Variants in COL19A1 observed in about 807,000 individuals in gnomAD.
The protein encoded by COL19A1 is collagen type XIX alpha 1 chain.
A neutral mutation model predicts 190.2 loss-of-function variants in COL19A1; 159 were observed. That is an observed-to-expected ratio of 0.84 (90% CI 0.73 to 0.95). The LOEUF (loss-of-function observed/expected upper bound fraction) is 0.95, where lower values mean the gene tolerates loss of function less well. Ranked by LOEUF, COL19A1 falls within the 40% of genes least tolerant of loss-of-function variation. The probability of loss-of-function intolerance (pLI) is 0.00; values close to 1 mark genes in which losing one functional copy is unlikely to be tolerated. For synonymous variants in COL19A1, 509 were observed against 458.9 expected, an observed-to-expected ratio of 1.11 and a Z score of -1.39; for missense variants, 1,418 against 1,431.9, an observed-to-expected ratio of 0.99 and a Z score of 0.16.
chr6:69,938,024 G>A lies in COL19A1; in HGVS notation c.874-14G>A. 6.2e-7 allele frequency: 1 copy of A among 1,612,020 alleles called. No individual in the cohort carries two copies. Among genetic ancestry groups the A allele is most frequent in the Non-Finnish European group, 8.5e-7 (1 of 1,178,724 alleles). ...ACAGAATGTTTGCTAACACAGATAT[G>A]CATTTTTGCTCAGGGAGAAGCAGGA... On this transcript the variant is annotated splice_polypyrimidine_tract_variant and intron_variant, in intron 8 of 50. Coordinates refer to ENST00000620364, the MANE Select transcript of COL19A1 (RefSeq NM_001858.6).
chr6:70,205,897 G>A (rs188452147), intron 49 of COL19A1, among the ~76,000 whole-genome samples: 1 of 152,288 alleles, frequency 6.6e-6, no homozygotes. Context: ...ACATTTGGGA[G>A]ACTGTCAGTC....
At chr6:70,035,176 G>A (rs531123009) in intron 13 of COL19A1, among the ~76,000 whole-genome samples, 3 of 152,188 alleles carry the variant, frequency 2.0e-5, no homozygotes, top group South Asian at 2.1e-4. Flanking sequence ...AATAAGAACC[G>A]TGGAAAGGAT....
intron 11 of COL19A1, among the ~76,000 whole-genome samples, chr6:69,977,459 T>C (rs1775785396): frequency 6.6e-6 from 1 of 151,608 alleles, no homozygotes; most frequent in East Asian, 2.0e-4. Flanking sequence ...TTAGGAGATA[T>C]ACCTGATGCT....
intron 9 of COL19A1, among the ~76,000 whole-genome samples, chr6:69,938,605 A>AT (rs1339684587): frequency 1.3e-5 from 2 of 151,990 alleles, no homozygotes; most frequent in African/African-American, 4.8e-5. Flanking sequence ...GTTCTCAATG[A>AT]TTTTACATCT....
intron 17 of COL19A1, among the ~76,000 whole-genome samples, chr6:70,128,767 G>A (rs1785346538): frequency 6.6e-6 from 1 of 152,188 alleles, no homozygotes; most frequent in South Asian, 2.1e-4. Context: ...ATTGATGTAA[G>A]AAAGAGAACA....
intron 15 of COL19A1, among the ~76,000 whole-genome samples, chr6:70,092,476 C>A (rs1040494901): frequency 6.6e-5 from 10 of 152,152 alleles, no homozygotes; most frequent in Admixed American, 6.5e-4. Context: ...CAGTAAATTT[C>A]TGCCAAATAA....
chr6:69,977,582 T>TA lies in COL19A1; in HGVS notation c.1026+14724dup, dbSNP rs1038100965. On this transcript the variant is annotated intron_variant, in intron 11 of 50. Transcript: ENST00000620364. Reference sequence around the variant, plus strand: ...ACTTAAAGTATAATAATAATAAACTTAAAAAAAAAAAAGAAAGGTTCAGGC... The same window carrying TA: ...ACTTAAAGTATAATAATAATAAACTTAAAAAAAAAAAAAGAAAGGTTCAGGC... Among the ~76,000 whole-genome samples the TA allele has an allele frequency of 3.4e-3, 489 of 143,678 alleles. 3 individuals carry two copies. The highest frequency in any genetic ancestry group is 9.7e-3 in the African/African-American group (381 of 39,396). The allele number at this position is 143,678 out of a possible 152,430, so 94.3% of individuals were successfully genotyped here.
chr6:70,003,450 G>C (rs1262403656), intron 11 of COL19A1, among the ~76,000 whole-genome samples: 1 of 152,144 alleles, frequency 6.6e-6, no homozygotes, highest in African/African-American at 2.4e-5. Flanking sequence ...TTATTGATCT[G>C]TCTAATATTG....
At chr6:70,166,903 A>G (rs1053336039) in intron 37 of COL19A1, among the ~76,000 whole-genome samples, 11 of 152,218 alleles carry the variant, frequency 7.2e-5, no homozygotes, top group African/African-American at 2.7e-4. Context: ...CAAATATAAC[A>G]TGAGTTCATG....
intron 11 of COL19A1, among the ~76,000 whole-genome samples, chr6:70,001,590 G>C (rs754805064): frequency 6.6e-6 from 1 of 151,350 alleles, no homozygotes; most frequent in Non-Finnish European, 1.5e-5. Context: ...TTTATATCCC[G>C]TTAGCTGTAT....
At chr6:70,165,750 T>C (rs1319060896) in intron 36 of COL19A1, among the ~76,000 whole-genome samples, 191 bp from the exon 37 acceptor site, 2 of 152,194 alleles carry the variant, frequency 1.3e-5, no homozygotes, top group African/African-American at 2.4e-5. Flanking sequence ...AAAAGACCTT[T>C]ACCTGTCCTG....
chr6:70,023,603 A>G (rs1294225635), intron 11 of COL19A1, 24 bp from the exon 12 acceptor site: 1 of 1,585,638 alleles, frequency 6.3e-7, no homozygotes, highest in East Asian at 2.2e-5. Flanking sequence ...AAGATTTTTC[A>G]TTGTATAAAT....
intron 44 of COL19A1, 141 bp downstream of exon 44, chr6:70,180,664 G>T: frequency 1.2e-6 from 1 of 808,000 alleles, no homozygotes; most frequent in Non-Finnish European, 2.0e-6. Flanking sequence ...ATTTTTGATG[G>T]CAAGGGCAGG....
intron 12 of COL19A1, among the ~76,000 whole-genome samples, chr6:70,029,102 G>A (rs9454944): frequency 0.22 from 32,845 of 151,880 alleles, 5,304 homozygotes; most frequent in African/African-American, 0.45. Context: ...TGTACTAGAG[G>A]ATACAAAAAT....
At chr6:70,140,446 T>C (rs1182696417) in intron 19 of COL19A1, among the ~76,000 whole-genome samples, 1 of 152,100 alleles carries the variant, frequency 6.6e-6, no homozygotes, top group African/African-American at 2.4e-5. Flanking sequence ...CTTACAGATA[T>C]GGTTAACCTC....
intron 48 of COL19A1, among the ~76,000 whole-genome samples, chr6:70,192,892 A>G (rs1404323851): frequency 6.6e-6 from 1 of 152,172 alleles, no homozygotes; most frequent in Non-Finnish European, 1.5e-5. Flanking sequence ...GCGTATGTGT[A>G]TTTTTGAATT....
intron 34 of COL19A1, among the ~76,000 whole-genome samples, chr6:70,159,441 C>CACAG (rs1435786194): frequency 1.3e-5 from 2 of 152,048 alleles, no homozygotes; most frequent in African/African-American, 2.4e-5. Flanking sequence ...CACACACACA[C>CACAG]AGCACTGCCA....
chr6:70,190,318 G>A lies in COL19A1; in HGVS notation c.3031G>A (p.Asp1011Asn), dbSNP rs746993827. Residue 1011 changes from aspartate (D) to asparagine (N), a missense_variant, in exon 48 of 51, where the codon GAT (aspartate) becomes AAT (asparagine). Physicochemically the swap from Asp to Asn is conservative, Grantham distance 23. Coordinates refer to ENST00000620364, the MANE Select transcript of COL19A1 (RefSeq NM_001858.6). ...GSPGIPGIPADAVSFEEIKKY... is the reference protein window; with the variant it reads ...GSPGIPGIPANAVSFEEIKKY... Reference sequence around the variant, plus strand: ...ACCTTTTTTTTTCCTTCTTCAGGCTGATGCAGTTTCATTTGAAGAAATAAA... The same window carrying A: ...ACCTTTTTTTTTCCTTCTTCAGGCTAATGCAGTTTCATTTGAAGAAATAAA... 2 of 1,599,868 alleles carry A rather than the reference G, an allele frequency of 1.3e-6. No individual in the cohort carries two copies. Among genetic ancestry groups the A allele is most frequent in the African/African-American group, 1.3e-5 (1 of 74,504 alleles).
chr6:70,132,009 G>T (rs557291843), intron 18 of COL19A1, among the ~76,000 whole-genome samples: 1 of 152,092 alleles, frequency 6.6e-6, no homozygotes, highest in Non-Finnish European at 1.5e-5. Flanking sequence ...ACACAGAAAA[G>T]TCTACAGGGA....
Sources: gnomAD v4.1 joint callset for allele counts (sites outside exome capture counted in the v4.1 genomes callset) on GRCh38, gnomAD v4.1.1 for gene constraint, MANE v1.5 for transcripts, NCBI Gene and HGNC (gene_info 2026-07-23, HGNC 2026-07-21) for gene names.